The following HIP1R variants were observed in gnomAD, a reference collection of about 807,000 sequenced individuals.
HIP1R encodes the protein huntingtin-interacting protein 1-related protein.
A neutral mutation model predicts 144.2 loss-of-function variants in HIP1R; 135 were observed. The ratio of observed to expected loss-of-function variants is 0.94; its 90% CI spans 0.81 to 1.08. The LOEUF is 1.08. Ranked by LOEUF, HIP1R falls within the 50% of genes least tolerant of loss-of-function variation. The pLI is 0.00. For synonymous variants in HIP1R, 698 were observed against 612.8 expected, an observed-to-expected ratio of 1.14 and a Z score of -2.05; for missense variants, 1,462 against 1,432.8, an observed-to-expected ratio of 1.02 and a Z score of -0.33.
rs1349341330 is a variant in HIP1R at position 122,862,840 on chromosome 12, C to CA, written c.*1090dup. The CA allele has an allele frequency of 6.6e-6, 1 of 152,148 alleles. No individual in the cohort carries two copies. The highest frequency in any genetic ancestry group is 6.5e-5 in the Admixed American group (1 of 15,284). 9.4% of individuals were successfully genotyped at this position (152,148 alleles called of 1,614,324 possible). A position where few individuals can be genotyped will look rare whatever the true frequency, so the allele number is the denominator to read the frequency against. ...TCACCCTGTGCTCTGGAAAGGCTACCAAATACTGGCCAAGGTCAGGAGGAG... is the reference window on the plus strand; with the variant it reads ...TCACCCTGTGCTCTGGAAAGGCTACCAAAATACTGGCCAAGGTCAGGAGGAG... On this transcript the variant is annotated 3_prime_UTR_variant, in exon 32 of 32. Coordinates refer to ENST00000253083, the MANE Select transcript of HIP1R (RefSeq NM_003959.3).
rs760434261 is a variant in HIP1R at position 122,861,123 on chromosome 12, G to A, written c.2891-8G>A. ...CCAGATGTTCACCCCCTTGTCCTCC[G>A]GCCACAGACACCATGGATTTCTCCG... On this transcript the variant is annotated splice_region_variant and splice_polypyrimidine_tract_variant and intron_variant, in intron 29 of 31. Transcript: ENST00000253083. The A allele has an allele frequency of 8.7e-6, 14 of 1,613,242 alleles. No homozygotes were observed. Among genetic ancestry groups the A allele is most frequent in the African/African-American group, 4.0e-5 (3 of 74,842 alleles).
chr12:122,859,882 C>A, intron 24 of HIP1R, 52 bp downstream of exon 24: 1 of 1,565,874 alleles, frequency 6.4e-7, no homozygotes, highest in Non-Finnish European at 8.7e-7. Context: ...CTCCCCGTGG[C>A]CCCTAAGGTT....
At chr12:122,841,748 A>G (rs2033065871) in intron 1 of HIP1R, among the ~76,000 whole-genome samples, 2 of 152,010 alleles carry the variant, frequency 1.3e-5, no homozygotes, top group Non-Finnish European at 1.5e-5. Flanking sequence ...GCTGCCTGTC[A>G]CTTCCAGAGC....
intron 8 of HIP1R, 98 bp downstream of exon 8, chr12:122,854,281 C>A: frequency 2.7e-4 from 243 of 916,010 alleles, no homozygotes; most frequent in Middle Eastern, 1.6e-3. Flanking sequence ...GAGGTTTATT[C>A]ATTTAAAAAT....
Position 122,835,488 on chromosome 12 carries a change from G to A in HIP1R, c.-63G>A. 1.6e-6 allele frequency: 2 copies of A among 1,228,026 alleles called. No individual in the cohort carries two copies. The highest frequency in any genetic ancestry group is 1.0e-6 in the Non-Finnish European group (1 of 978,666). 76.1% of individuals were successfully genotyped at this position (1,228,026 alleles called of 1,614,324 possible). A position where few individuals can be genotyped will look rare whatever the true frequency, so the allele number is the denominator to read the frequency against. On this transcript the variant is annotated 5_prime_UTR_variant, in exon 1 of 32. Transcript: ENST00000253083. ...GCCTCGCGGTGCCTAGGCTGGGGCT[G>A]CCGGACCGTGAGGCTGTGAGTCGCG...
At chr12:122,845,783 G>A (rs866076583) in intron 1 of HIP1R, among the ~76,000 whole-genome samples, 17 of 152,330 alleles carry the variant, frequency 1.1e-4, no homozygotes, top group South Asian at 6.2e-4. Context: ...AGGGTGCCGG[G>A]TGCGGGGAGC....
Position 122,859,825 on chromosome 12 carries a change from C to T in HIP1R, c.2460C>T (p.Asn820=), listed in dbSNP as rs771811923. ...GCTCGGGGGTGAAGCTGGAGGTGAA[C>T]GAGAGGTGAGCCCCCCTTCTGTCCC... The part of the protein sequence containing the change: ...HASSGVKLEV[N]ERILNSCTDL... Residue 820 remains asparagine (N), a synonymous_variant, in exon 24 of 32, where the codon AAC becomes AAT. Transcript: ENST00000253083. 1.6e-5 allele frequency: 25 copies of T among 1,612,322 alleles called. No homozygotes were observed. The highest frequency in any genetic ancestry group is 8.0e-5 in the African/African-American group (6 of 74,920).
Position 122,840,543 on chromosome 12 carries a change from C to G in HIP1R, c.93+4900C>G, listed in dbSNP as rs1030016251. Among the ~76,000 whole-genome samples, 3 of 152,176 alleles carry G rather than the reference C, an allele frequency of 2.0e-5. No individual in the cohort carries two copies. Among genetic ancestry groups the G allele is most frequent in the Non-Finnish European group, 4.4e-5 (3 of 68,034 alleles). On this transcript the variant is annotated intron_variant, in intron 1 of 31. Coordinates refer to ENST00000253083, the MANE Select transcript of HIP1R (RefSeq NM_003959.3). This position sits in a 1 kb window ranked among gnomAD's most constrained non-coding sequence, Gnocchi z 4.2. The stretch of plus-strand genomic sequence containing the variant: ...GGTTGTGAAGAAATTTACAGGTGTT[C>G]ATAGTGCCTGGTGTGTAGTGAATGC...
At position 122,850,164 on chromosome 12, in the gene HIP1R, T is replaced by TG. The variant is rs770995513; in HGVS notation, c.438+212dup. The TG allele has an allele frequency of 1.0e-5, 7 of 681,682 alleles. No homozygotes were observed. The African/African-American group carries it at 1.2e-4, about 12-fold the overall frequency. The allele number at this position is 681,682 out of a possible 1,614,324, so 42.2% of individuals were successfully genotyped here. ...AACACTTCAGGCATTTCCGTGGACGTGGGCACGGGCTTCCCCAGGCGTTTC... is the reference window on the plus strand; with the variant it reads ...AACACTTCAGGCATTTCCGTGGACGTGGGGCACGGGCTTCCCCAGGCGTTTC... On this transcript the variant is annotated intron_variant, in intron 5 of 31. Transcript: ENST00000253083.
rs1199023319 is a variant in HIP1R, at chr12:122,858,163, G to A, written c.1877G>A (p.Gly626Asp). The A allele has an allele frequency of 6.2e-7, 1 of 1,606,408 alleles. No homozygotes were observed. The highest frequency in any genetic ancestry group is 1.3e-5 in the African/African-American group (1 of 74,906). Residue 626 changes from glycine (G) to aspartate (D), a missense_variant, in exon 19 of 32, where the codon GGC (glycine) becomes GAC (aspartate). Around this residue, in one of 2 missense-constraint regions of HIP1R, gnomAD observed 1,112 missense variants for 1,011.7 expected, o/e 1.10. Transcript: ENST00000253083. Reference protein sequence around the residue: ...LLDEQFAVLRGAAAEAAGILQ... With the variant: ...LLDEQFAVLRDAAAEAAGILQ... ...GACGAGCAGTTCGCAGTGTTGCGGG[G>A]CGCTGCTGCCGAGGCCGCGGGCATC...
At position 122,836,254 on chromosome 12, in the gene HIP1R, C is replaced by A. The variant is rs1293448618; in HGVS notation, c.93+611C>A. 1.3e-5 allele frequency among the ~76,000 whole-genome samples: 2 copies of A among 152,216 alleles called. No individual in the cohort carries two copies. The highest frequency in any genetic ancestry group is 2.4e-5 in the African/African-American group (1 of 41,444). ...CTATTATTTGCTGGGTGAAAAGCTT[C>A]TCGTATGTCGCCAGACTTGTTTGCC... On this transcript the variant is annotated intron_variant, in intron 1 of 31. Coordinates refer to ENST00000253083, the MANE Select transcript of HIP1R (RefSeq NM_003959.3). This position sits in a 1 kb window ranked among gnomAD's most constrained non-coding sequence, Gnocchi z 4.1.
rs770513477 is a variant in HIP1R at position 122,848,089 on chromosome 12, C to T, written c.152C>T (p.Ala51Val). ...GAGGCCCCCGTGAAGGAGAAGCACG[C>T]CCGGCGTATCCTTGGCCGGCTCTTG... is the stretch of plus-strand genomic sequence containing the variant. ...TQEAPVKEKHARRIILGTHHE... is the reference protein window; with the variant it reads ...TQEAPVKEKHVRRIILGTHHE... The change falls in exon 2 of 32, where the codon GCC becomes GTC. Residue 51 changes from alanine (A) to valine (V), a missense_variant. By Grantham distance (64) the Ala-to-Val change is moderately conservative. This residue lies in a region of HIP1R where 350 missense variants were observed against 421.1 expected (regional missense o/e 0.83). Coordinates refer to ENST00000253083, the MANE Select transcript of HIP1R (RefSeq NM_003959.3). The T allele has an allele frequency of 5.6e-6, 9 of 1,613,408 alleles. No individual in the cohort carries two copies. In the Admixed American group the frequency reaches 1.5e-4, roughly 27 times the overall value.
At chr12:122,847,101 G>A (rs2033230434) in intron 1 of HIP1R, among the ~76,000 whole-genome samples, 1 of 152,184 alleles carries the variant, frequency 6.6e-6, no homozygotes, top group African/African-American at 2.4e-5. Flanking sequence ...TGTCCCTCCC[G>A]CCCATGGCCT....
chr12:122,846,517 G>C (rs1413357366), intron 1 of HIP1R, among the ~76,000 whole-genome samples: 1 of 152,184 alleles, frequency 6.6e-6, no homozygotes, highest in Non-Finnish European at 1.5e-5. Flanking sequence ...ACAGTTGGTG[G>C]ATACGAGTTT....
chr12:122,855,870 G>A lies in HIP1R; in HGVS notation c.1095G>A (p.Met365Ile). The change falls in exon 13 of 32, where the codon ATG becomes ATA. Residue 365 changes from methionine (M) to isoleucine (I), a missense_variant. Transcript: ENST00000253083. The stretch of plus-strand genomic sequence containing the variant: ...AGAGCTTGAAGAGAGAGGTGGAAAT[G>A]CTCCGCTCTGAACTGGAGAAGATCA... ...QIESLKREVEMLRSELEKIKL... is the reference protein window; with the variant it reads ...QIESLKREVEILRSELEKIKL... 6.5e-7 allele frequency: 1 copy of A among 1,532,402 alleles called. No individual in the cohort carries two copies. The highest frequency in any genetic ancestry group is 1.2e-5 in the South Asian group (1 of 84,298). The allele number at this position is 1,532,402 out of a possible 1,614,324, so 94.9% of individuals were successfully genotyped here. A position where few individuals can be genotyped will look rare whatever the true frequency, so the allele number is the denominator to read the frequency against.
intron 17 of HIP1R, 126 bp downstream of exon 17, chr12:122,856,852 C>A: frequency 9.4e-7 from 1 of 1,061,002 alleles, no homozygotes; most frequent in Non-Finnish European, 1.4e-6. Flanking sequence ...CAGCCCTGAC[C>A]CAGACCCAGG....
chr12:122,852,254 G>C (rs1312012935), intron 7 of HIP1R, among the ~76,000 whole-genome samples: 3 of 152,254 alleles, frequency 2.0e-5, no homozygotes, highest in Non-Finnish European at 4.4e-5. Flanking sequence ...TTCAGTTCCA[G>C]TGGGTGGGAG....
Position 122,860,539 on chromosome 12 carries a change from TGGGGGGG to T in HIP1R, c.2660+19_2660+25del. On this transcript the variant is annotated intron_variant, in intron 27 of 31. Coordinates refer to ENST00000253083, the MANE Select transcript of HIP1R (RefSeq NM_003959.3). ...CACAGCTGGTGTAGGTTGCCCTGGG[TGGGGGGG>T]GGCAGGGGGCTGCTTCCTGCCAGTT... 2 of 894,050 alleles carry T rather than the reference TGGGGGGG, an allele frequency of 2.2e-6. No homozygotes were observed. The highest frequency in any genetic ancestry group is 3.5e-6 in the Non-Finnish European group (2 of 568,402). The allele number at this position is 894,050 out of a possible 1,614,324, so 55.4% of individuals were successfully genotyped here. A position where few individuals can be genotyped will look rare whatever the true frequency, so the allele number is the denominator to read the frequency against.
chr12:122,850,817 T>C lies in HIP1R; in HGVS notation c.439-18T>C. On this transcript the variant is annotated intron_variant, in intron 5 of 31. Transcript: ENST00000253083. ...GGGCCCTGGTTCAGTGGCCGCTGGGTGGGGGTTCTCTCCACAGCATCCCCA... is the reference window on the plus strand; with the variant it reads ...GGGCCCTGGTTCAGTGGCCGCTGGGCGGGGGTTCTCTCCACAGCATCCCCA... 6.3e-7 allele frequency: 1 copy of C among 1,590,690 alleles called. No individual in the cohort carries two copies. The highest frequency in any genetic ancestry group is 8.5e-7 in the Non-Finnish European group (1 of 1,169,702).
Sources: gnomAD v4.1 joint callset for allele counts (sites outside exome capture counted in the v4.1 genomes callset) on GRCh38, gnomAD v4.1.1 for gene constraint, gnomAD v4.1.1 regional missense constraint, Gnocchi (gnomAD v3.1) non-coding constraint, MANE v1.5 for transcripts, NCBI Gene and HGNC (gene_info 2026-07-23, HGNC 2026-07-21) for gene names.